The following CTNNA2 variants were observed in gnomAD, a reference collection of about 807,000 sequenced individuals.
The protein encoded by CTNNA2 is catenin alpha-2.
CTNNA2 carries 42 observed loss-of-function variants against 101.0 expected under a neutral mutation model. That is an observed-to-expected ratio of 0.42 (90% CI 0.32 to 0.54). The LOEUF is 0.54. CTNNA2 is among the 20% of genes least tolerant of loss of function. CTNNA2 has a pLI of 0.14. For synonymous variants in CTNNA2, 450 were observed against 456.4 expected (o/e 0.99, Z 0.18); for missense variants, 871 against 1,223.1 (o/e 0.71, Z 4.29).
chr2:80,096,382 T>C (rs1700154982), intron 7 of CTNNA2, among the ~76,000 whole-genome samples: 1 of 152,216 alleles, frequency 6.6e-6, no homozygotes, highest in Admixed American at 6.5e-5. Context: ...TTTTTTATAA[T>C]TTCTGTTCTT....
At chr2:80,603,626 T>G (rs1347665718) in intron 15 of CTNNA2, 6 of 152,606 alleles carry the variant, frequency 3.9e-5, no homozygotes, top group Admixed American at 2.0e-4. Flanking sequence ...ATTTTGAATT[T>G]TTTACTTATG....
intron 9 of CTNNA2, among the ~76,000 whole-genome samples, chr2:80,518,396 C>A (rs1689266419): frequency 6.6e-6 from 1 of 152,148 alleles, no homozygotes; most frequent in Non-Finnish European, 1.5e-5. Context: ...CTCCAACTGT[C>A]CAAGAACATT....
chr2:79,617,068 A>AT (rs1456496922), intron 1 of CTNNA2, among the ~76,000 whole-genome samples: 1 of 151,464 alleles, frequency 6.6e-6, no homozygotes, highest in African/African-American at 2.4e-5. Context: ...TACCCGGCTA[A>AT]TTTTTTTGTA....
At position 80,283,144 on chromosome 2, in the gene CTNNA2, C is replaced by G. The variant is rs541661364; in HGVS notation, c.1057-110067C>G. Among the ~76,000 whole-genome samples, 245 of 151,976 alleles carry G rather than the reference C, an allele frequency of 1.6e-3. 1 individual carries two copies. Among genetic ancestry groups the G allele is most frequent in the Non-Finnish European group, 2.7e-3 (182 of 67,938 alleles). ...AGGACAAATAACTAGTTTTAATCAT[C>G]AAATAAATTGCAAGAGGGGAGAAAA... On this transcript the variant is annotated intron_variant, in intron 7 of 18. Transcript: ENST00000402739.
intron 9 of CTNNA2, among the ~76,000 whole-genome samples, chr2:80,542,153 A>G (rs1004924478): frequency 1.3e-5 from 2 of 152,002 alleles, no homozygotes; most frequent in Non-Finnish European, 2.9e-5. Context: ...TTAAAATAAT[A>G]ATAACTCCTC....
chr2:80,379,909 T>C (rs10203128), intron 7 of CTNNA2, among the ~76,000 whole-genome samples: 7,253 of 152,182 alleles, frequency 0.048, 425 homozygotes, highest in African/African-American at 0.14. Context: ...CTATTTATTT[T>C]CTCATTTTTT....
At chr2:80,501,342 C>G (rs1360325613) in intron 9 of CTNNA2, among the ~76,000 whole-genome samples, 1 of 152,178 alleles carries the variant, frequency 6.6e-6, no homozygotes, top group Non-Finnish European at 1.5e-5. Flanking sequence ...GAGCCATATT[C>G]TTTTGAACAG....
intron 8 of CTNNA2, among the ~76,000 whole-genome samples, chr2:80,415,946 C>G (rs942299714): frequency 2.0e-5 from 3 of 152,026 alleles, no homozygotes; most frequent in Non-Finnish European, 2.9e-5. Context: ...CAGAGAAAGA[C>G]AAATACTGTA....
intron 7 of CTNNA2, among the ~76,000 whole-genome samples, chr2:80,129,195 G>A (rs553434359): frequency 1.2e-4 from 19 of 152,296 alleles, no homozygotes; most frequent in Admixed American, 1.2e-3. Context: ...CAGAAAGAAA[G>A]AAGGATTATA....
rs770963101 is a variant in CTNNA2, at chr2:79,874,217, G to A, written c.727G>A (p.Val243Met). 6.2e-7 allele frequency: 1 copy of A among 1,614,088 alleles called. No homozygotes were observed. Among genetic ancestry groups the A allele is most frequent in the Non-Finnish European group, 8.5e-7 (1 of 1,180,038 alleles). The change falls in exon 6 of 19, where the codon GTG becomes ATG. Residue 243 changes from valine to methionine, a missense_variant. This residue lies in a region of CTNNA2 where 647 missense variants were observed against 831.5 expected (regional missense o/e 0.78). Transcript: ENST00000402739. ...VAATRANRDY[V>M]FKQVQEAIAG... ...CGCTACGAGAGCCAACCGAGATTAT[G>A]TGTTCAAACAAGTCCAGGAGGCCAT...
At chr2:80,158,910 CAAA>C (rs57487842) in intron 7 of CTNNA2, among the ~76,000 whole-genome samples, 8 of 89,040 alleles carry the variant, frequency 9.0e-5, no homozygotes, top group Non-Finnish European at 7.9e-5. Context: ...GACTCCGTCT[CAAA>C]AAAAAAAAAA....
At chr2:79,701,615 A>G (rs1685006267) in intron 2 of CTNNA2, among the ~76,000 whole-genome samples, 1 of 152,188 alleles carries the variant, frequency 6.6e-6, no homozygotes, top group Admixed American at 6.5e-5. Context: ...TATCTGGCAT[A>G]TTGAAGGGGC....
intron 7 of CTNNA2, among the ~76,000 whole-genome samples, chr2:80,184,376 C>G (rs561920830): frequency 1.3e-5 from 2 of 152,152 alleles, no homozygotes; most frequent in Non-Finnish European, 2.9e-5. Flanking sequence ...GTATTATGCA[C>G]CATCACAGTG....
chr2:80,546,161 C>A (rs1029301727), intron 11 of CTNNA2, 98 bp downstream of exon 11: 9 of 1,439,938 alleles, frequency 6.3e-6, no homozygotes, highest in African/African-American at 2.8e-5. Flanking sequence ...GTGTTTCAGG[C>A]GCACTCCTTA....
chr2:79,629,034 C>G (rs1221443583), intron 1 of CTNNA2, among the ~76,000 whole-genome samples: 3 of 152,156 alleles, frequency 2.0e-5, no homozygotes, highest in Non-Finnish European at 4.4e-5. Context: ...AGAATAAAAT[C>G]TATGTCTTTC....
At chr2:79,248,228 G>A (rs921548850) in intron 2 of CTNNA2, among the ~76,000 whole-genome samples, 6 of 152,102 alleles carry the variant, frequency 3.9e-5, no homozygotes, top group South Asian at 2.1e-4. Flanking sequence ...TGTCTTGACC[G>A]GTGCTATTCA....
intron 7 of CTNNA2, among the ~76,000 whole-genome samples, chr2:79,928,109 T>G (rs1558648704): frequency 6.6e-6 from 1 of 152,202 alleles, no homozygotes; most frequent in Non-Finnish European, 1.5e-5. Context: ...TAATTGTACC[T>G]TTTAAATTGT....
At chr2:79,304,064 G>A (rs570205204) in intron 2 of CTNNA2, among the ~76,000 whole-genome samples, 1 of 152,154 alleles carries the variant, frequency 6.6e-6, no homozygotes, top group African/African-American at 2.4e-5. Flanking sequence ...CAGGGTGTGG[G>A]GGCCAGTGGG....
chr2:80,391,130 A>AG (rs1677472244), intron 7 of CTNNA2, among the ~76,000 whole-genome samples: 1 of 147,418 alleles, frequency 6.8e-6, no homozygotes, highest in African/African-American at 2.5e-5. Flanking sequence ...CGACTGTCTC[A>AG]GAAAAAAAAA....
Sources: gnomAD v4.1 joint callset for allele counts (sites outside exome capture counted in the v4.1 genomes callset) on GRCh38, gnomAD v4.1.1 for gene constraint, gnomAD v4.1.1 regional missense constraint, MANE v1.5 for transcripts, NCBI Gene and HGNC (gene_info 2026-07-23, HGNC 2026-07-21) for gene names.